Variants in IGSF21 observed in about 807,000 individuals in gnomAD.
IGSF21 encodes the protein immunoglobin superfamily member 21.
A neutral mutation model predicts 46.8 loss-of-function variants in IGSF21; 28 were observed. The observed-to-expected ratio is 0.60, with a 90% CI of 0.44 to 0.82. The LOEUF (loss-of-function observed/expected upper bound fraction) is 0.82. IGSF21 is among the 40% of genes least tolerant of loss of function. IGSF21 has a pLI of 0.00. For synonymous variants in IGSF21, 284 were observed against 273.6 expected (o/e 1.04, Z -0.38); for missense variants, 624 against 665.5 (o/e 0.94, Z 0.69).
At chr1:18,197,575 C>A (rs1162082784) in intron 1 of IGSF21, among the ~76,000 whole-genome samples, 1 of 152,186 alleles carries the variant, frequency 6.6e-6, no homozygotes, top group Non-Finnish European at 1.5e-5. Flanking sequence ...CAGAAACTTG[C>A]CTGGTACCTA....
chr1:18,376,557 A>G (rs1007607600), intron 7 of IGSF21, among the ~76,000 whole-genome samples, 162 bp downstream of exon 7: 3 of 152,214 alleles, frequency 2.0e-5, no homozygotes, highest in African/African-American at 7.2e-5. Flanking sequence ...ATCAGCTCCC[A>G]TGAGGAATGG....
chr1:18,292,998 G>A (rs576953168), intron 3 of IGSF21, among the ~76,000 whole-genome samples: 1 of 152,336 alleles, frequency 6.6e-6, no homozygotes, highest in Non-Finnish European at 1.5e-5. Context: ...GTACCGTGAG[G>A]GGGACTGCAG....
At chr1:18,253,311 C>T (rs2084860318) in intron 2 of IGSF21, among the ~76,000 whole-genome samples, 3 of 152,220 alleles carry the variant, frequency 2.0e-5, no homozygotes, top group Admixed American at 1.3e-4. Context: ...TACACTGTTT[C>T]CTGGCACCCT....
intron 1 of IGSF21, among the ~76,000 whole-genome samples, chr1:18,211,865 G>C (rs2084395898): frequency 6.6e-6 from 1 of 152,210 alleles, no homozygotes; most frequent in Non-Finnish European, 1.5e-5. Flanking sequence ...TAATGTTGGA[G>C]GATACAGGGC....
At chr1:18,318,598 C>T (rs1260789911) in intron 3 of IGSF21, among the ~76,000 whole-genome samples, 2 of 152,014 alleles carry the variant, frequency 1.3e-5, no homozygotes, top group African/African-American at 2.4e-5. Flanking sequence ...CAGGTGGATG[C>T]CACCCCACTT....
chr1:18,364,014 A>G (rs80028889), intron 5 of IGSF21, among the ~76,000 whole-genome samples: 2,002 of 152,232 alleles, frequency 0.013, 20 homozygotes, highest in Non-Finnish European at 0.022. Context: ...TTTTTTTCTC[A>G]CAGAGAAAAA....
intron 1 of IGSF21, among the ~76,000 whole-genome samples, chr1:18,159,328 A>G (rs2086595729): frequency 3.3e-5 from 5 of 152,146 alleles, no homozygotes; most frequent in Admixed American, 2.6e-4. Context: ...GGGCCGAAGA[A>G]ATGTTAGAAT....
intron 3 of IGSF21, among the ~76,000 whole-genome samples, chr1:18,318,392 A>G (rs978540674): frequency 3.3e-5 from 5 of 152,164 alleles, no homozygotes; most frequent in Non-Finnish European, 5.9e-5. Context: ...AAAATGTACC[A>G]GCTTGCTGAG....
chr1:18,319,200 A>T lies in IGSF21; in HGVS notation c.306-15692A>T, dbSNP rs535788107. ...TCCACTGTGCATGGCTTCCATTCTG[A>T]AGGTCACCTTAAAGTTTAAGAAGGC... On this transcript the variant is annotated intron_variant, in intron 3 of 9. Coordinates refer to ENST00000251296, the MANE Select transcript of IGSF21 (RefSeq NM_032880.5). 3.9e-5 allele frequency among the ~76,000 whole-genome samples: 6 copies of T among 152,294 alleles called. No homozygotes were observed. In the South Asian group the frequency reaches 1.2e-3, roughly 32 times the overall value.
At chr1:18,151,601 G>T (rs2086522821) in intron 1 of IGSF21, among the ~76,000 whole-genome samples, 1 of 152,194 alleles carries the variant, frequency 6.6e-6, no homozygotes, top group Admixed American at 6.5e-5. Context: ...TAACAGGCGG[G>T]GGAGAGGAGT....
chr1:18,129,054 A>G (rs1409374461), intron 1 of IGSF21, among the ~76,000 whole-genome samples: 1 of 152,156 alleles, frequency 6.6e-6, no homozygotes, highest in African/African-American at 2.4e-5. Flanking sequence ...GATAGAGATT[A>G]AGGTGGCGGT....
At chr1:18,190,038 C>T (rs1381924277) in intron 1 of IGSF21, among the ~76,000 whole-genome samples, 2 of 152,190 alleles carry the variant, frequency 1.3e-5, no homozygotes, top group Non-Finnish European at 2.9e-5. Flanking sequence ...GGGCCACCCT[C>T]AGCCCTCTTC....
intron 2 of IGSF21, among the ~76,000 whole-genome samples, chr1:18,267,635 C>T (rs1161390217): frequency 6.6e-6 from 1 of 152,206 alleles, no homozygotes; most frequent in Admixed American, 6.5e-5. Flanking sequence ...GAGGGTAGCT[C>T]TGCGGCTGGA....
intron 3 of IGSF21, among the ~76,000 whole-genome samples, chr1:18,316,152 A>C (rs932786901): frequency 5.3e-5 from 8 of 152,174 alleles, no homozygotes; most frequent in Non-Finnish European, 1.0e-4. Context: ...TCCTTGGCCC[A>C]TGCCATTCAC....
chr1:18,289,681 G>A (rs1366179455), intron 2 of IGSF21, among the ~76,000 whole-genome samples: 1 of 152,184 alleles, frequency 6.6e-6, no homozygotes, highest in African/African-American at 2.4e-5. Flanking sequence ...GCAAGGGGCT[G>A]TCCTGGACAT....
chr1:18,305,181 G>GGGATGGATGGAT lies in IGSF21; in HGVS notation c.305+13208_305+13219dup, dbSNP rs77556898. ...AAGCACTCAATAAGAGATAGGGAAG[G>GGGATGGATGGAT]GGATGGATGGATGGATGGATGGATG... On this transcript the variant is annotated intron_variant, in intron 3 of 9. Coordinates refer to ENST00000251296, the MANE Select transcript of IGSF21 (RefSeq NM_032880.5). Among the ~76,000 whole-genome samples the GGGATGGATGGAT allele has an allele frequency of 5.5e-3, 833 of 150,170 alleles. 6 individuals are homozygous for GGGATGGATGGAT. Among genetic ancestry groups the GGGATGGATGGAT allele is most frequent in the African/African-American group, 0.017 (701 of 40,992 alleles).
chr1:18,321,124 T>C (rs223215), intron 3 of IGSF21, among the ~76,000 whole-genome samples: 72,166 of 152,100 alleles, frequency 0.47, 17,449 homozygotes, highest in East Asian at 0.59. Flanking sequence ...GCTCTGGCCC[T>C]ATATTGGAGG....
intron 1 of IGSF21, among the ~76,000 whole-genome samples, chr1:18,149,554 T>C (rs1053731138): frequency 6.6e-5 from 10 of 151,292 alleles, no homozygotes; most frequent in Admixed American, 2.6e-4. Context: ...AAGACCTGCC[T>C]CCCCAGTACC....
intron 1 of IGSF21, among the ~76,000 whole-genome samples, chr1:18,119,196 T>G (rs1369575507): frequency 6.6e-6 from 1 of 152,214 alleles, no homozygotes; most frequent in Non-Finnish European, 1.5e-5. Flanking sequence ...CAGCAGATAT[T>G]TATTGGATGT....
Sources: allele counts gnomAD v4.1 joint callset (sites outside exome capture counted in the v4.1 genomes callset), GRCh38; gene constraint gnomAD v4.1.1; transcripts MANE v1.5; gene names NCBI Gene and HGNC (gene_info 2026-07-23, HGNC 2026-07-21).